Variants in ABCG1 observed in about 807,000 individuals in gnomAD.
ABCG1 encodes ATP binding cassette subfamily G member 1.
ABCG1 carries 29 observed loss-of-function variants against 69.2 expected under a neutral mutation model. The ratio of observed to expected loss-of-function variants is 0.42; its 90% CI spans 0.31 to 0.57. The LOEUF (loss-of-function observed/expected upper bound fraction) is 0.57, where lower values mean the gene tolerates loss of function less well. Ranked by LOEUF, ABCG1 falls within the 20% of genes least tolerant of loss-of-function variation. The pLI is 0.15. For synonymous variants in ABCG1, 370 were observed against 374.8 expected (o/e 0.99, Z 0.15); for missense variants, 718 against 898.1 (o/e 0.80, Z 2.56).
At chr21:42,293,803 C>A (rs1353325305) in intron 13 of ABCG1, among the ~76,000 whole-genome samples, 4 of 151,342 alleles carry the variant, frequency 2.6e-5, no homozygotes, top group Non-Finnish European at 3.0e-5. Flanking sequence ...CTACACACTA[C>A]ATGCTATGCA....
In ABCG1 at chr21:42,291,482, G is replaced by C. The variant is rs756341795; in HGVS notation, c.1495-16G>C. 2 of 1,600,636 alleles carry C rather than the reference G, an allele frequency of 1.2e-6. No homozygotes were observed. The highest frequency in any genetic ancestry group is 8.5e-7 in the Non-Finnish European group (1 of 1,169,860). The stretch of plus-strand genomic sequence containing the variant: ...GGAAGCGGCTGAGCCCGCGGCTGAC[G>C]GGTCCTTGTTTCCAGATCATGTTCC... On this transcript the variant is annotated splice_polypyrimidine_tract_variant and intron_variant, in intron 12 of 14. Transcript: ENST00000398449. The surrounding 1 kb of genome is among the most constrained non-coding windows in gnomAD (Gnocchi z 6.4).
chr21:42,227,728 G>T (rs984615306), intron 2 of ABCG1, among the ~76,000 whole-genome samples: 3 of 152,154 alleles, frequency 2.0e-5, no homozygotes, highest in Admixed American at 2.0e-4. Flanking sequence ...AAGGAAAGAG[G>T]TTTAATTGGC....
In ABCG1 at chr21:42,296,132, C is replaced by G; in HGVS notation, c.1773-32C>G. On this transcript the variant is annotated intron_variant, in intron 14 of 14. Coordinates refer to ENST00000398449, the MANE Select transcript of ABCG1 (RefSeq NM_016818.3). This position sits in a 1 kb window ranked among gnomAD's most constrained non-coding sequence, Gnocchi z 5.4. ...CCAACGGCGTGGCTGGCTGGGAGAA[C>G]GTCCTCCCTCATGCCTGGCCTTTCC... 1 of 1,582,546 alleles carries G rather than the reference C, an allele frequency of 6.3e-7. No individual in the cohort carries two copies. Among genetic ancestry groups the G allele is most frequent in the Non-Finnish European group, 8.7e-7 (1 of 1,151,812 alleles).
chr21:42,228,049 G>A (rs149895439), intron 2 of ABCG1, among the ~76,000 whole-genome samples: 73 of 152,310 alleles, frequency 4.8e-4, no homozygotes, highest in African/African-American at 1.7e-3. Flanking sequence ...CACCCAGTAT[G>A]TGACTTGTCA....
chr21:42,252,032 A>G (rs2068230417), intron 2 of ABCG1, among the ~76,000 whole-genome samples: 1 of 152,078 alleles, frequency 6.6e-6, no homozygotes, highest in African/African-American at 2.4e-5. Context: ...GTTGCTGGAA[A>G]CCCCAGCTGT....
intron 2 of ABCG1, among the ~76,000 whole-genome samples, chr21:42,209,585 T>C (rs1409427767): frequency 6.6e-6 from 1 of 152,114 alleles, no homozygotes. Context: ...TCTCATAGAG[T>C]GGCTTTGGGC....
intron 5 of ABCG1, among the ~76,000 whole-genome samples, chr21:42,280,856 A>G (rs1019960024): frequency 6.6e-6 from 1 of 152,240 alleles, no homozygotes. Flanking sequence ...GAAGACCAGC[A>G]GTCGATGCCA....
At chr21:42,267,920 T>C (rs868736486) in intron 2 of ABCG1, among the ~76,000 whole-genome samples, 2 of 151,858 alleles carry the variant, frequency 1.3e-5, no homozygotes, top group Non-Finnish European at 2.9e-5. Flanking sequence ...GTGGTCTGGG[T>C]TCTGTCTGGG....
In ABCG1 at chr21:42,256,406, C is replaced by T. The variant is rs891935456; in HGVS notation, c.287-14664C>T. The T allele has an allele frequency of 2.8e-5, 43 of 1,549,964 alleles. No individual in the cohort carries two copies. In the African/African-American group the frequency reaches 4.9e-4, roughly 18 times the overall value. ...CATTCTCTTGGCCAGACTGTGGTGTCTGGTCCCTACTCACACCTTCCTGTC... is the reference window on the plus strand; with the variant it reads ...CATTCTCTTGGCCAGACTGTGGTGTTTGGTCCCTACTCACACCTTCCTGTC... On this transcript the variant is annotated intron_variant, in intron 2 of 14. Coordinates refer to ENST00000398449, the MANE Select transcript of ABCG1 (RefSeq NM_016818.3).
chr21:42,276,499 G>A lies in ABCG1; in HGVS notation c.538-396G>A, dbSNP rs1307433326. ...GAGAATTCAACTGAGATAGCAGGAA[G>A]CATCGCACATGGACTGCTCTCCTGC... On this transcript the variant is annotated intron_variant, in intron 4 of 14. Transcript: ENST00000398449. This position sits in a 1 kb window ranked among gnomAD's most constrained non-coding sequence, Gnocchi z 5.3. 1 of 188,734 alleles carries A rather than the reference G, an allele frequency of 5.3e-6. No individual in the cohort carries two copies. Among genetic ancestry groups the A allele is most frequent in the Non-Finnish European group, 1.1e-5 (1 of 90,770 alleles). 11.7% of individuals were successfully genotyped at this position (188,734 alleles called of 1,614,324 possible). A position where few individuals can be genotyped will look rare whatever the true frequency, so the allele number is the denominator to read the frequency against.
chr21:42,263,026 G>A (rs948322393), intron 2 of ABCG1, among the ~76,000 whole-genome samples: 5 of 152,244 alleles, frequency 3.3e-5, no homozygotes, highest in Non-Finnish European at 7.3e-5. Flanking sequence ...CCCGAGCGAT[G>A]CTGCCGTGTC....
At chr21:42,267,244 C>T (rs225396) in intron 2 of ABCG1, among the ~76,000 whole-genome samples, 68,094 of 152,016 alleles carry the variant, frequency 0.45, 15,537 homozygotes, top group Middle Eastern at 0.59. Flanking sequence ...ATCTGAGTTC[C>T]GTTTAGTGTC....
intron 1 of ABCG1, among the ~76,000 whole-genome samples, chr21:42,224,908 T>C (rs1439387652): frequency 6.6e-6 from 1 of 152,198 alleles, no homozygotes; most frequent in Non-Finnish European, 1.5e-5. Flanking sequence ...TACAAAAGAT[T>C]AGGTATTCTC....
At chr21:42,211,030 G>A (rs2067584392) in intron 2 of ABCG1, among the ~76,000 whole-genome samples, 2 of 149,524 alleles carry the variant, frequency 1.3e-5, no homozygotes, top group South Asian at 4.2e-4. Flanking sequence ...CGTGATCTCA[G>A]CTCACTGCAA....
intron 2 of ABCG1, among the ~76,000 whole-genome samples, chr21:42,205,538 T>A (rs546541001): frequency 1.3e-5 from 2 of 150,800 alleles, no homozygotes; most frequent in African/African-American, 2.4e-5. Context: ...GCGGAGGTTA[T>A]GGTGAGCCAA....
upstream of ABCG1, among the ~76,000 whole-genome samples, chr21:42,213,639 C>A (rs1311427732): frequency 6.6e-6 from 1 of 152,238 alleles, no homozygotes; most frequent in African/African-American, 2.4e-5. Flanking sequence ...CTGTGCCCAG[C>A]AAACCCATGT....
chr21:42,256,796 A>T (rs2068313527), intron 2 of ABCG1, among the ~76,000 whole-genome samples: 1 of 151,786 alleles, frequency 6.6e-6, no homozygotes, highest in South Asian at 2.1e-4. Context: ...CCTTAGGTCC[A>T]CTCTCCTTGG....
Position 42,290,099 on chromosome 21 carries a change from T to A in ABCG1, c.1274T>A (p.Ile425Asn), listed in dbSNP as rs1160896596. The change falls in exon 11 of 15, where the codon ATT (isoleucine) becomes AAT (asparagine). Residue 425 changes from isoleucine (I) to asparagine (N), a missense_variant. Physicochemically the swap from Ile to Asn is moderately radical, Grantham distance 149. Transcript: ENST00000398449. ...ITSHIGIGLL[I>N]GLLYLGIGNE... Reference sequence around the variant, plus strand: ...TCGCACATTGGGATCGGCCTCCTCATTGGCCTGCTGTACTTGGGGATCGGG... The same window carrying A: ...TCGCACATTGGGATCGGCCTCCTCAATGGCCTGCTGTACTTGGGGATCGGG... The A allele has an allele frequency of 6.2e-7, 1 of 1,614,224 alleles. No individual in the cohort carries two copies. Among genetic ancestry groups the A allele is most frequent in the Non-Finnish European group, 8.5e-7 (1 of 1,180,040 alleles).
intron 2 of ABCG1, among the ~76,000 whole-genome samples, chr21:42,202,893 G>T (rs943375457): frequency 2.0e-5 from 3 of 152,180 alleles, no homozygotes; most frequent in Non-Finnish European, 4.4e-5. Context: ...GATTACAGGT[G>T]TGAGCCACAA....
Sources: allele counts gnomAD v4.1 joint callset (sites outside exome capture counted in the v4.1 genomes callset), GRCh38; gene constraint gnomAD v4.1.1; non-coding constraint Gnocchi (gnomAD v3.1); transcripts MANE v1.5; gene names NCBI Gene and HGNC (gene_info 2026-07-23, HGNC 2026-07-21).